PRKN: variants seen among roughly 807,000 people sequenced by gnomAD.
PRKN encodes parkin RBR E3 ubiquitin protein ligase.
Under a neutral mutation model 59.5 loss-of-function variants are expected in PRKN, and 56 were observed. The observed-to-expected ratio is 0.94, with a 90% CI of 0.76 to 1.18. PRKN has a LOEUF of 1.18. PRKN is among the 50% of genes most tolerant of loss of function. PRKN has a pLI of 0.00. For missense variants in PRKN, 657 were observed against 596.4 expected (o/e 1.10, Z -1.06); for synonymous variants, 250 against 222.1 (o/e 1.13, Z -1.12).
At chr6:162,661,876 C>G (rs917035548) in intron 1 of PRKN, among the ~76,000 whole-genome samples, 1 of 152,014 alleles carries the variant, frequency 6.6e-6, no homozygotes, top group South Asian at 2.1e-4. Context: ...TTCTTACATG[C>G]GTATACTGTG....
In PRKN at chr6:161,447,941, T is replaced by C. The variant is rs914792215; in HGVS notation, c.1084-61064A>G. ...TTTTTTCTCTCTGGTGCGTGACCAC[T>C]GCTTCCTGATTTTTGTGTTGAGATC... On this transcript the variant is annotated intron_variant, in intron 9 of 11. Transcript: ENST00000366898. The surrounding 1 kb of genome is among the most constrained non-coding windows in gnomAD (Gnocchi z 4.1). Among the ~76,000 whole-genome samples the C allele has an allele frequency of 2.0e-5, 3 of 152,208 alleles. No individual in the cohort carries two copies. The highest frequency in any genetic ancestry group is 7.2e-5 in the African/African-American group (3 of 41,456).
At position 161,527,147 on chromosome 6, in the gene PRKN, C is replaced by T. The variant is rs115820282; in HGVS notation, c.1083+21707G>A. Among the ~76,000 whole-genome samples the T allele has an allele frequency of 9.3e-3, 1,411 of 152,232 alleles. 25 individuals carry two copies. Among genetic ancestry groups the T allele is most frequent in the African/African-American group, 0.032 (1,332 of 41,534 alleles). On this transcript the variant is annotated intron_variant, in intron 9 of 11. Coordinates refer to ENST00000366898, the MANE Select transcript of PRKN (RefSeq NM_004562.3). This position sits in a 1 kb window ranked among gnomAD's most constrained non-coding sequence, Gnocchi z 4.6. ...AGATCTTCTCTGTTTCATGAGATTC[C>T]TATGACAATTATTTTCCTTTATAGA...
In PRKN at chr6:161,483,074, T is replaced by C. The variant is rs1791484052; in HGVS notation, c.1083+65780A>G. Among the ~76,000 whole-genome samples, 1 of 151,784 alleles carries C rather than the reference T, an allele frequency of 6.6e-6. No homozygotes were observed. Among genetic ancestry groups the C allele is most frequent in the South Asian group, 2.1e-4 (1 of 4,818 alleles). On this transcript the variant is annotated intron_variant, in intron 9 of 11. Coordinates refer to ENST00000366898, the MANE Select transcript of PRKN (RefSeq NM_004562.3). This position sits in a 1 kb window ranked among gnomAD's most constrained non-coding sequence, Gnocchi z 5.0. ...GAGAGTGAATTTGGTTTTGTAAAAG[T>C]ATGCTAGGGAGAAGATGCAAGGGAC...
chr6:162,147,129 C>T (rs144269305), intron 4 of PRKN, among the ~76,000 whole-genome samples: 3,436 of 150,558 alleles, frequency 0.023, 139 homozygotes, highest in African/African-American at 0.079. Flanking sequence ...TCACTTGAGG[C>T]CAGGAGTTCA....
chr6:162,471,481 C>T (rs9456781), intron 1 of PRKN, among the ~76,000 whole-genome samples: 3,519 of 152,188 alleles, frequency 0.023, 93 homozygotes, highest in Middle Eastern at 0.041. Context: ...GCCTTTATTC[C>T]CGCTATATGT....
intron 6 of PRKN, among the ~76,000 whole-genome samples, chr6:161,798,787 T>C (rs953003976): frequency 1.3e-5 from 2 of 152,190 alleles, no homozygotes; most frequent in African/African-American, 4.8e-5. Context: ...TTTGTTCTTT[T>C]TTCAACTAAG....
At chr6:162,208,247 AGCC>A (rs1785043372) in intron 3 of PRKN, among the ~76,000 whole-genome samples, 1 of 152,222 alleles carries the variant, frequency 6.6e-6, no homozygotes, top group African/African-American at 2.4e-5. Context: ...GCTTTTAACG[AGCC>A]ATAAACTTAA....
At chr6:162,313,845 C>G (rs746996902) in intron 2 of PRKN, among the ~76,000 whole-genome samples, 10 of 152,088 alleles carry the variant, frequency 6.6e-5, no homozygotes, top group Non-Finnish European at 1.3e-4. Context: ...ATTGTTTCCA[C>G]CTTTTGGCCA....
intron 1 of PRKN, among the ~76,000 whole-genome samples, chr6:162,450,439 G>A (rs1360147583): frequency 2.3e-5 from 3 of 131,160 alleles, no homozygotes; most frequent in Non-Finnish European, 4.5e-5. Flanking sequence ...TCTTCCTCCT[G>A]AAGAATACAG....
intron 3 of PRKN, among the ~76,000 whole-genome samples, chr6:162,214,592 T>C (rs1232004196): frequency 1.3e-5 from 2 of 152,206 alleles, no homozygotes; most frequent in African/African-American, 2.4e-5. Flanking sequence ...TTAACACAGA[T>C]TGAAGGTTCC....
At chr6:161,845,998 C>T (rs1162137440) in intron 6 of PRKN, among the ~76,000 whole-genome samples, 2 of 152,132 alleles carry the variant, frequency 1.3e-5, no homozygotes, top group Non-Finnish European at 2.9e-5. Flanking sequence ...AGAGATTGCT[C>T]AATAGTGGAT....
intron 10 of PRKN, among the ~76,000 whole-genome samples, chr6:161,384,923 T>C (rs1388638616): frequency 1.3e-5 from 2 of 152,118 alleles, no homozygotes; most frequent in Non-Finnish European, 2.9e-5. Flanking sequence ...GGAAATACAC[T>C]TTTCTTTTCT....
chr6:161,782,810 C>T (rs1382100139), intron 7 of PRKN, among the ~76,000 whole-genome samples: 4 of 152,098 alleles, frequency 2.6e-5, no homozygotes, highest in African/African-American at 4.8e-5. Context: ...AGGAGAATCA[C>T]TTGAACCCGG....
intron 7 of PRKN, among the ~76,000 whole-genome samples, chr6:161,764,732 C>T (rs1343350850): frequency 6.6e-6 from 1 of 152,162 alleles, no homozygotes; most frequent in Admixed American, 6.5e-5. Context: ...GCTGTAGTCT[C>T]AGAAGGAAAG....
rs1380898753 is a variant in PRKN, at chr6:161,757,871, C to CTCTCTGTG, written c.871+27900_871+27901insCACAGAGA. Among the ~76,000 whole-genome samples, 214 of 97,944 alleles carry CTCTCTGTG rather than the reference C, an allele frequency of 2.2e-3. 18 individuals carry two copies. The highest frequency in any genetic ancestry group is 6.5e-3 in the African/African-American group (145 of 22,324). The allele number at this position is 97,944 out of a possible 152,430, so 64.3% of individuals were successfully genotyped here. On this transcript the variant is annotated intron_variant, in intron 7 of 11. Transcript: ENST00000366898. ...TCTCTCTCTCTCTCTCTCTCTCTCT[C>CTCTCTGTG]TGTGTATATATATATACACACACAC...
chr6:162,645,864 TTC>T (rs548581633), intron 1 of PRKN, among the ~76,000 whole-genome samples: 23 of 106,940 alleles, frequency 2.2e-4, no homozygotes, highest in South Asian at 2.5e-4. Context: ...TGCATAAACT[TTC>T]TCTTTTTTTT....
intron 6 of PRKN, among the ~76,000 whole-genome samples, chr6:161,793,909 C>T (rs1355522855): frequency 6.6e-6 from 1 of 152,160 alleles, no homozygotes; most frequent in African/African-American, 2.4e-5. Context: ...AATTCTCATC[C>T]AGTAAGTCAA....
intron 6 of PRKN, among the ~76,000 whole-genome samples, chr6:161,876,338 G>A (rs1409507499): frequency 6.6e-6 from 1 of 152,054 alleles, no homozygotes; most frequent in African/African-American, 2.4e-5. Context: ...TTGACACAGA[G>A]TCTTGCTATG....
intron 2 of PRKN, among the ~76,000 whole-genome samples, chr6:162,379,527 C>A (rs967866750): frequency 2.6e-5 from 4 of 152,162 alleles, no homozygotes; most frequent in African/African-American, 9.7e-5. Flanking sequence ...CTAAATAAAT[C>A]TCCCATTCAG....
Sources: gnomAD v4.1 joint callset for allele counts (sites outside exome capture counted in the v4.1 genomes callset) on GRCh38, gnomAD v4.1.1 for gene constraint, Gnocchi (gnomAD v3.1) non-coding constraint, MANE v1.5 for transcripts, NCBI Gene and HGNC (gene_info 2026-07-23, HGNC 2026-07-21) for gene names.